Variants in CCDC73 observed in about 807,000 individuals in gnomAD.
CCDC73 encodes the protein coiled-coil domain containing 73.
A neutral mutation model predicts 116.5 loss-of-function variants in CCDC73; 95 were observed. The ratio of observed to expected loss-of-function variants is 0.82; its 90% CI spans 0.69 to 0.97. The LOEUF (loss-of-function observed/expected upper bound fraction) is 0.97, where lower values mean the gene tolerates loss of function less well. Ranked by LOEUF, CCDC73 falls within the 50% of genes least tolerant of loss-of-function variation. The pLI is 0.00. For missense variants in CCDC73, 1,066 were observed against 1,206.8 expected (o/e 0.88, Z 1.73); for synonymous variants, 398 against 401.3 (o/e 0.99, Z 0.10).
intron 13 of CCDC73, among the ~76,000 whole-genome samples, chr11:32,638,265 T>C (rs1855700120): frequency 6.6e-6 from 1 of 152,240 alleles, no homozygotes. Flanking sequence ...ATTATTTTTC[T>C]AAAACACAAT....
At chr11:32,686,082 G>A (rs968655319) in intron 6 of CCDC73, among the ~76,000 whole-genome samples, 5 of 151,632 alleles carry the variant, frequency 3.3e-5, no homozygotes, top group African/African-American at 9.7e-5. Context: ...AGAGTTTGTG[G>A]CAAGAGAAAC....
intron 3 of CCDC73, among the ~76,000 whole-genome samples, chr11:32,714,718 T>C (rs1255117653): frequency 2.0e-5 from 3 of 152,030 alleles, no homozygotes; most frequent in Non-Finnish European, 4.4e-5. Context: ...AAGAAACAGC[T>C]ACCATTCAAG....
chr11:32,658,032 A>AAAAAAG (rs1326960808), intron 9 of CCDC73, among the ~76,000 whole-genome samples: 2 of 151,746 alleles, frequency 1.3e-5, no homozygotes, highest in African/African-American at 4.8e-5. Context: ...TTAAAAAAAA[A>AAAAAAG]AAAGAAAAAG....
chr11:32,633,725 T>A (rs1299205413), intron 14 of CCDC73, among the ~76,000 whole-genome samples: 1 of 152,086 alleles, frequency 6.6e-6, no homozygotes, highest in African/African-American at 2.4e-5. Context: ...GCACCCAAAG[T>A]TTTTTGGGGG....
intron 6 of CCDC73, among the ~76,000 whole-genome samples, chr11:32,696,449 C>T (rs755049617): frequency 2.0e-5 from 3 of 151,690 alleles, no homozygotes; most frequent in Admixed American, 1.3e-4. Flanking sequence ...TTTTTTGAGA[C>T]AGGGTCTCAA....
intron 1 of CCDC73, among the ~76,000 whole-genome samples, chr11:32,789,035 T>A (rs1487187377): frequency 2.0e-5 from 3 of 152,204 alleles, no homozygotes; most frequent in African/African-American, 7.2e-5. Flanking sequence ...ATAGTTATAA[T>A]TTCAACAGCA....
chr11:32,774,006 C>T (rs1320968880), intron 1 of CCDC73, among the ~76,000 whole-genome samples: 1 of 152,072 alleles, frequency 6.6e-6, no homozygotes, highest in African/African-American at 2.4e-5. Context: ...GGCAGTATGC[C>T]TTCTGATAGA....
chr11:32,707,073 C>G (rs1291872671), intron 3 of CCDC73, among the ~76,000 whole-genome samples: 1 of 152,044 alleles, frequency 6.6e-6, no homozygotes, highest in Non-Finnish European at 1.5e-5. Context: ...TCAGATCCAC[C>G]CATCTAAACC....
chr11:32,718,016 G>A (rs1318960286), intron 3 of CCDC73, 60 bp downstream of exon 3: 4 of 1,192,906 alleles, frequency 3.4e-6, no homozygotes, highest in Non-Finnish European at 4.9e-6. Flanking sequence ...TGGGGGTTAC[G>A]GGGATTACAA....
chr11:32,799,143 A>C (rs981516940), upstream of CCDC73, among the ~76,000 whole-genome samples: 5 of 149,632 alleles, frequency 3.3e-5, no homozygotes, highest in Non-Finnish European at 5.9e-5. Context: ...CCAGGCTGGA[A>C]TACAGTGGCA....
chr11:32,710,829 A>T (rs1849894383), intron 3 of CCDC73, among the ~76,000 whole-genome samples: 1 of 152,156 alleles, frequency 6.6e-6, no homozygotes. Context: ...TCTCATGACC[A>T]AGAACCCAAA....
rs147952933 is a variant in CCDC73 at position 32,652,678 on chromosome 11, T to C, written c.939+445A>G. 2.0e-5 allele frequency among the ~76,000 whole-genome samples: 3 copies of C among 152,296 alleles called. No individual in the cohort carries two copies. In the East Asian group the frequency reaches 5.8e-4, roughly 29 times the overall value. On this transcript the variant is annotated intron_variant, in intron 12 of 17. Transcript: ENST00000335185. ...CTTATATATACTGGAAAGAGGATGATGAGGTGTTTGTTGTGGTAACAGCGC... is the reference window on the plus strand; with the variant it reads ...CTTATATATACTGGAAAGAGGATGACGAGGTGTTTGTTGTGGTAACAGCGC...
At position 32,767,839 on chromosome 11, in the gene CCDC73, T is replaced by C. The variant is rs971877293; in HGVS notation, c.-15-7581A>G. Among the ~76,000 whole-genome samples, 282 of 152,282 alleles carry C rather than the reference T, an allele frequency of 1.9e-3. 1 individual carries two copies. The highest frequency in any genetic ancestry group is 6.7e-3 in the African/African-American group (278 of 41,552). On this transcript the variant is annotated intron_variant, in intron 1 of 17. Coordinates refer to ENST00000335185, the MANE Select transcript of CCDC73 (RefSeq NM_001008391.4). Reference sequence around the variant, plus strand: ...AGGAAACAACAGATGCTGGAGAGGATGTGGAGAAATAGGAACACTTTTACA... The same window carrying C: ...AGGAAACAACAGATGCTGGAGAGGACGTGGAGAAATAGGAACACTTTTACA...
At chr11:32,720,857 T>C (rs776482426) in intron 2 of CCDC73, among the ~76,000 whole-genome samples, 4 of 152,188 alleles carry the variant, frequency 2.6e-5, no homozygotes, top group Non-Finnish European at 5.9e-5. Context: ...TCTGGGTTGA[T>C]GAAAATATTT....
chr11:32,726,806 C>A (rs1312308554), intron 2 of CCDC73, among the ~76,000 whole-genome samples: 2 of 151,738 alleles, frequency 1.3e-5, no homozygotes, highest in Non-Finnish European at 2.9e-5. Context: ...AAATAAAATA[C>A]CCAAATATTC....
rs780109479 is a variant in CCDC73, at chr11:32,614,427, A to C, written c.1891T>G (p.Ser631Ala). ...GGATTTTTTTTTATATCTAGAGACGAGTCCAAATCTGCTTTGGTTTGGTCA... is the reference window on the plus strand; with the variant it reads ...GGATTTTTTTTTATATCTAGAGACGCGTCCAAATCTGCTTTGGTTTGGTCA... Reference protein sequence around the residue: ...NSDQTKADLDSSLDIKKNPVP... With the variant: ...NSDQTKADLDASLDIKKNPVP... The change falls in exon 16 of 18, where the codon TCG becomes GCG. Residue 631 changes from serine (S) to alanine (A), a missense_variant. Coordinates refer to ENST00000335185, the MANE Select transcript of CCDC73 (RefSeq NM_001008391.4). 6.2e-7 allele frequency: 1 copy of C among 1,613,600 alleles called. No homozygotes were observed. The highest frequency in any genetic ancestry group is 1.7e-4 in the Middle Eastern group (1 of 6,058).
At chr11:32,630,534 G>T (rs1192753400) in intron 14 of CCDC73, among the ~76,000 whole-genome samples, 1 of 152,084 alleles carries the variant, frequency 6.6e-6, no homozygotes, top group Non-Finnish European at 1.5e-5. Flanking sequence ...GTAGAGATGG[G>T]GTTTCACCAT....
chr11:32,662,034 A>G (rs1855933638), intron 9 of CCDC73, among the ~76,000 whole-genome samples: 1 of 152,148 alleles, frequency 6.6e-6, no homozygotes, highest in African/African-American at 2.4e-5. Flanking sequence ...TTATGGCTAC[A>G]TAGTATTCCA....
chr11:32,830,471 GC>G, the CCDC73 span: 4 of 1,334,892 alleles, frequency 3.0e-6, no homozygotes, highest in African/African-American at 1.5e-5. Context: ...TGAGCTAGGG[GC>G]CTTTTTTTTT....
Sources: gnomAD v4.1 joint callset for allele counts (sites outside exome capture counted in the v4.1 genomes callset) on GRCh38, gnomAD v4.1.1 for gene constraint, MANE v1.5 for transcripts, NCBI Gene and HGNC (gene_info 2026-07-23, HGNC 2026-07-21) for gene names.